The following FA2H variants were observed in gnomAD, a reference collection of about 807,000 sequenced individuals.
FA2H encodes fatty acid 2-hydroxylase.
FA2H carries 22 observed loss-of-function variants against 44.9 expected under a neutral mutation model. The observed-to-expected ratio is 0.49, with a 90% CI of 0.35 to 0.70. The LOEUF is 0.70. Ranked by LOEUF, FA2H falls within the 30% of genes least tolerant of loss-of-function variation. The probability of loss-of-function intolerance (pLI) is 0.01; values close to 1 mark genes in which losing one functional copy is unlikely to be tolerated. For synonymous variants in FA2H, 243 were observed against 213.2 expected, an observed-to-expected ratio of 1.14 and a Z score of -1.22; for missense variants, 501 against 504.9, an observed-to-expected ratio of 0.99 and a Z score of 0.07.
intron 4 of FA2H, among the ~76,000 whole-genome samples, chr16:74,724,179 G>C (rs2144613159): frequency 6.6e-6 from 1 of 152,310 alleles, no homozygotes; most frequent in South Asian, 2.1e-4. Flanking sequence ...TGGGATTACA[G>C]GCGTGAGCCA....
chr16:74,731,633 G>A (rs1044491131), intron 2 of FA2H, among the ~76,000 whole-genome samples: 6 of 151,912 alleles, frequency 3.9e-5, no homozygotes, highest in East Asian at 1.9e-4. Context: ...TAATCCTCCC[G>A]CCTCAGCCTT....
chr16:74,739,939 C>G, intron 2 of FA2H, 84 bp downstream of exon 2: 1 of 1,054,702 alleles, frequency 9.5e-7, no homozygotes, highest in Non-Finnish European at 1.5e-6. Flanking sequence ...ATGCCCACTC[C>G]CAGCTTTGGC....
chr16:74,759,827 C>A (rs967644163), intron 1 of FA2H, among the ~76,000 whole-genome samples: 1 of 152,204 alleles, frequency 6.6e-6, no homozygotes, highest in Admixed American at 6.5e-5. Context: ...ACAGGAGAAG[C>A]AGCAGCCACC....
intron 1 of FA2H, among the ~76,000 whole-genome samples, chr16:74,756,541 C>A (rs1361322111): frequency 6.6e-6 from 1 of 152,114 alleles, no homozygotes; most frequent in East Asian, 1.9e-4. Context: ...GCTCCAGAAT[C>A]ACTCCCACCT....
chr16:74,763,097 T>A (rs768460313), intron 1 of FA2H, among the ~76,000 whole-genome samples: 1 of 152,130 alleles, frequency 6.6e-6, no homozygotes, highest in Non-Finnish European at 1.5e-5. Context: ...CACAACAGGG[T>A]CCCAAAGTGT....
intron 1 of FA2H, among the ~76,000 whole-genome samples, chr16:74,769,047 G>A (rs183251579): frequency 1.3e-5 from 2 of 152,186 alleles, no homozygotes; most frequent in East Asian, 1.9e-4. Context: ...AGTTATCATC[G>A]CTCTGGGTGG....
chr16:74,766,151 T>C (rs1166069334), intron 1 of FA2H, among the ~76,000 whole-genome samples: 3 of 151,956 alleles, frequency 2.0e-5, no homozygotes, highest in Admixed American at 6.6e-5. Flanking sequence ...ATACAAAAAT[T>C]AGCTGGGCAT....
intron 2 of FA2H, among the ~76,000 whole-genome samples, chr16:74,727,942 T>C (rs1961993520): frequency 6.6e-6 from 1 of 152,208 alleles, no homozygotes; most frequent in Admixed American, 6.5e-5. Flanking sequence ...TTTTTATATA[T>C]ATATTTATTT....
intron 1 of FA2H, among the ~76,000 whole-genome samples, chr16:74,752,541 T>C (rs1879080027): frequency 6.6e-6 from 1 of 152,172 alleles, no homozygotes; most frequent in Non-Finnish European, 1.5e-5. Context: ...TATTGGTCCA[T>C]ACAGAATGTT....
chr16:74,722,079 C>T (rs979112788), intron 4 of FA2H, among the ~76,000 whole-genome samples: 5 of 152,314 alleles, frequency 3.3e-5, no homozygotes, highest in East Asian at 1.9e-4. Flanking sequence ...TCCCCCTGCT[C>T]GGCAGTGCAA....
At chr16:74,741,808 A>ATATATGTGTGTG (rs1491185782) in intron 1 of FA2H, among the ~76,000 whole-genome samples, 25 of 48,388 alleles carry the variant, frequency 5.2e-4, no homozygotes, top group African/African-American at 1.2e-3. Context: ...ATATATATAT[A>ATATATGTGTGTG]TGTGTGTGTG....
chr16:74,736,575 G>C lies in FA2H; in HGVS notation c.363+3448C>G, dbSNP rs947098596. Reference sequence around the variant, plus strand: ...TGGTGGTCTGTGTTATGTCAGGCAGGGGGCAGGGACAGGGAGTTTGGGGAT... The same window carrying C: ...TGGTGGTCTGTGTTATGTCAGGCAGCGGGCAGGGACAGGGAGTTTGGGGAT... On this transcript the variant is annotated intron_variant, in intron 2 of 6. Coordinates refer to ENST00000219368, the MANE Select transcript of FA2H (RefSeq NM_024306.5). Among the ~76,000 whole-genome samples, 18 of 152,366 alleles carry C rather than the reference G, an allele frequency of 1.2e-4. No homozygotes were observed. The South Asian group carries it at 1.4e-3, about 12-fold the overall frequency.
chr16:74,738,348 G>A (rs13337980), intron 2 of FA2H, among the ~76,000 whole-genome samples: 12,387 of 152,176 alleles, frequency 0.081, 543 homozygotes, highest in East Asian at 0.16. Flanking sequence ...GACAGCATAG[G>A]TGACGGTGGC....
intron 2 of FA2H, among the ~76,000 whole-genome samples, chr16:74,730,428 G>A (rs977175792): frequency 2.6e-5 from 4 of 152,154 alleles, no homozygotes; most frequent in Non-Finnish European, 5.9e-5. Context: ...CCACCTAGTC[G>A]CTGCTCCCTT....
intron 1 of FA2H, among the ~76,000 whole-genome samples, chr16:74,761,615 A>T (rs1962713438): frequency 6.6e-6 from 1 of 152,198 alleles, no homozygotes; most frequent in Non-Finnish European, 1.5e-5. Flanking sequence ...AATCATGTAG[A>T]TATTTATGAG....
chr16:74,718,244 A>G (rs77381824), intron 5 of FA2H, among the ~76,000 whole-genome samples: 2,607 of 152,300 alleles, frequency 0.017, 71 homozygotes, highest in African/African-American at 0.059. Context: ...TGGTGTCCCG[A>G]AAGTATCATA....
intron 2 of FA2H, among the ~76,000 whole-genome samples, chr16:74,733,959 G>A (rs952829137): frequency 6.6e-6 from 1 of 152,204 alleles, no homozygotes; most frequent in Non-Finnish European, 1.5e-5. Context: ...AGGCAGAGGA[G>A]GAAAGCAGGG....
chr16:74,752,847 GGTGAAGATGGA>G, intron 1 of FA2H, among the ~76,000 whole-genome samples: 1 of 152,308 alleles, frequency 6.6e-6, no homozygotes, highest in East Asian at 1.9e-4. Flanking sequence ...CACCTGTCCA[GGTGAAGATGGA>G]GTGAAGGCGG....
intron 1 of FA2H, among the ~76,000 whole-genome samples, chr16:74,761,755 G>GT (rs1487094595): frequency 6.6e-6 from 1 of 152,056 alleles, no homozygotes; most frequent in Non-Finnish European, 1.5e-5. Context: ...AATATGCAAT[G>GT]TATCAAAATG....
Sources: gnomAD v4.1 joint callset for allele counts (sites outside exome capture counted in the v4.1 genomes callset) on GRCh38, gnomAD v4.1.1 for gene constraint, MANE v1.5 for transcripts, NCBI Gene and HGNC (gene_info 2026-07-23, HGNC 2026-07-21) for gene names.